The following FSTL5 variants were observed in gnomAD, a reference collection of about 807,000 sequenced individuals.
FSTL5 encodes the protein follistatin like 5, also known as follistatin-related protein 5.
A neutral mutation model predicts 89.1 loss-of-function variants in FSTL5; 62 were observed. The ratio of observed to expected loss-of-function variants is 0.70; its 90% CI spans 0.57 to 0.86. The LOEUF is 0.86. Ranked by LOEUF, FSTL5 falls within the 40% of genes least tolerant of loss-of-function variation. The pLI, the probability that FSTL5 is intolerant of heterozygous loss-of-function variation, is 0.00. For synonymous variants in FSTL5, 383 were observed against 346.2 expected, an observed-to-expected ratio of 1.11 and a Z score of -1.18; for missense variants, 1,057 against 1,001.6, an observed-to-expected ratio of 1.06 and a Z score of -0.75.
chr4:161,779,215 T>G (rs1183388298), intron 4 of FSTL5, among the ~76,000 whole-genome samples: 1 of 152,214 alleles, frequency 6.6e-6, no homozygotes, highest in East Asian at 1.9e-4. Flanking sequence ...CCCAAATTGT[T>G]GTAAATTTCT....
chr4:161,481,097 C>A lies in FSTL5; in HGVS notation c.1531G>T (p.Asp511Tyr), dbSNP rs1000458567. The A allele has an allele frequency of 6.2e-7, 1 of 1,613,052 alleles. No individual in the cohort carries two copies. The highest frequency in any genetic ancestry group is 8.5e-7 in the Non-Finnish European group (1 of 1,179,402). Residue 511 changes from aspartate to tyrosine, a missense_variant, in exon 13 of 16, where the codon GAC becomes TAC. By Grantham distance (160) the Asp-to-Tyr change is radical. Around this residue, in one of 3 missense-constraint regions of FSTL5, gnomAD observed 980 missense variants for 903.2 expected, o/e 1.08. Coordinates refer to ENST00000306100, the MANE Select transcript of FSTL5 (RefSeq NM_020116.5). ...CVWASAVNVK[D>Y]KFIYVAQPTL... ...GGCTGTGCAACATAAATGAACTTGT[C>A]TTTGACATTAACAGCTGATGCCCAC...
intron 4 of FSTL5, among the ~76,000 whole-genome samples, chr4:161,878,639 A>G (rs1410293658): frequency 6.6e-6 from 1 of 152,120 alleles, no homozygotes; most frequent in Non-Finnish European, 1.5e-5. Context: ...AGAAAAAATA[A>G]GGGTAATAAG....
chr4:161,928,615 TTA>T (rs1734194861), intron 3 of FSTL5, among the ~76,000 whole-genome samples: 1 of 151,760 alleles, frequency 6.6e-6, no homozygotes, highest in South Asian at 2.1e-4. Flanking sequence ...TACCATTCAA[TTA>T]GGTAGTTGTG....
chr4:162,103,865 C>G (rs1258540765), intron 2 of FSTL5, among the ~76,000 whole-genome samples: 2 of 152,166 alleles, frequency 1.3e-5, no homozygotes, highest in African/African-American at 4.8e-5. Flanking sequence ...ACAGGAGGTA[C>G]AGAAATAGCC....
At chr4:161,505,314 A>G (rs566458838) in intron 11 of FSTL5, among the ~76,000 whole-genome samples, 6 of 152,310 alleles carry the variant, frequency 3.9e-5, no homozygotes, top group African/African-American at 1.4e-4. Context: ...ACAGAGCAAA[A>G]TCATACCATT....
chr4:161,584,177 G>A (rs1200339557), intron 8 of FSTL5, among the ~76,000 whole-genome samples: 1 of 152,096 alleles, frequency 6.6e-6, no homozygotes, highest in East Asian at 1.9e-4. Context: ...TATTCGACAT[G>A]TCTTCCCCTC....
intron 5 of FSTL5, among the ~76,000 whole-genome samples, chr4:161,765,740 T>A (rs1174527991): frequency 6.6e-6 from 1 of 152,162 alleles, no homozygotes; most frequent in East Asian, 1.9e-4. Flanking sequence ...GTTCTTTTCA[T>A]TATTTTAATA....
intron 2 of FSTL5, among the ~76,000 whole-genome samples, chr4:162,064,409 G>C (rs1325838516): frequency 6.6e-6 from 1 of 152,042 alleles, no homozygotes; most frequent in East Asian, 1.9e-4. Context: ...GTGTCTGTGA[G>C]AACAGGTAGA....
Position 161,481,048 on chromosome 4 carries a change from A to ACAC in FSTL5, c.1579_1580insGTG (p.Ile526_Val527insGly). On this transcript the variant is annotated inframe_insertion, in exon 13 of 16. Coordinates refer to ENST00000306100, the MANE Select transcript of FSTL5 (RefSeq NM_020116.5). The stretch of plus-strand genomic sequence containing the variant: ...AACAACTTTTTGGGACTGCACATCA[A>ACAC]CAATAAGGACTCTGTCCAAAGTTGG... The ACAC allele has an allele frequency of 6.2e-7, 1 of 1,612,246 alleles. No homozygotes were observed. The highest frequency in any genetic ancestry group is 8.5e-7 in the Non-Finnish European group (1 of 1,179,120).
At chr4:161,590,124 G>A (rs1026548435) in intron 7 of FSTL5, among the ~76,000 whole-genome samples, 1 of 152,062 alleles carries the variant, frequency 6.6e-6, no homozygotes, top group Non-Finnish European at 1.5e-5. Context: ...ATCTTTTGCT[G>A]CTCAAAAGAC....
intron 4 of FSTL5, among the ~76,000 whole-genome samples, chr4:161,805,321 G>C (rs1018985344): frequency 1.3e-5 from 2 of 152,104 alleles, no homozygotes; most frequent in African/African-American, 4.8e-5. Context: ...GTTCTGATTA[G>C]ATTTATTTGC....
chr4:161,750,873 T>C (rs779740949), intron 6 of FSTL5, among the ~76,000 whole-genome samples: 13 of 152,106 alleles, frequency 8.5e-5, no homozygotes, highest in Non-Finnish European at 1.8e-4. Flanking sequence ...GTGTGGAAAA[T>C]AAGAATGATT....
intron 4 of FSTL5, among the ~76,000 whole-genome samples, chr4:161,858,387 T>C (rs1260858836): frequency 6.6e-6 from 1 of 152,160 alleles, no homozygotes; most frequent in East Asian, 1.9e-4. Flanking sequence ...ACTTGTATCA[T>C]TAAATTCATG....
chr4:161,542,928 G>A (rs1362321519), intron 8 of FSTL5, among the ~76,000 whole-genome samples: 1 of 151,914 alleles, frequency 6.6e-6, no homozygotes, highest in Non-Finnish European at 1.5e-5. Context: ...GGAATATCTT[G>A]TTTCAGAAAT....
chr4:161,825,522 G>A (rs1730641424), intron 4 of FSTL5, among the ~76,000 whole-genome samples: 1 of 151,968 alleles, frequency 6.6e-6, no homozygotes, highest in African/African-American at 2.4e-5. Context: ...ATCTGTCCTG[G>A]ACTCTTTTTG....
chr4:161,431,738 G>C (rs1397515753), intron 15 of FSTL5, among the ~76,000 whole-genome samples: 5 of 151,934 alleles, frequency 3.3e-5, no homozygotes, highest in Non-Finnish European at 7.4e-5. Flanking sequence ...CACCAATAAA[G>C]ACACACATAG....
At chr4:162,160,214 A>G (rs1733641683) in intron 1 of FSTL5, among the ~76,000 whole-genome samples, 1 of 151,852 alleles carries the variant, frequency 6.6e-6, no homozygotes, top group African/African-American at 2.4e-5. Context: ...CAGAAAACCC[A>G]TTGGAACTCT....
intron 3 of FSTL5, among the ~76,000 whole-genome samples, chr4:161,964,802 A>T (rs1001238206): frequency 6.6e-6 from 1 of 152,066 alleles, no homozygotes; most frequent in Non-Finnish European, 1.5e-5. Context: ...TCTATATGTA[A>T]CCATTACATT....
chr4:161,678,029 G>A (rs1737369115), intron 6 of FSTL5, among the ~76,000 whole-genome samples: 1 of 151,538 alleles, frequency 6.6e-6, no homozygotes, highest in Non-Finnish European at 1.5e-5. Flanking sequence ...AGACTGCAAT[G>A]GAATGATGAA....
Sources: gnomAD v4.1 joint callset for allele counts (sites outside exome capture counted in the v4.1 genomes callset) on GRCh38, gnomAD v4.1.1 for gene constraint, gnomAD v4.1.1 regional missense constraint, MANE v1.5 for transcripts, NCBI Gene and HGNC (gene_info 2026-07-23, HGNC 2026-07-21) for gene names.